ITPR3: variants seen among roughly 807,000 people sequenced by gnomAD.
ITPR3 encodes inositol 1,4,5-trisphosphate-gated calcium channel ITPR3.
A neutral mutation model predicts 293.2 loss-of-function variants in ITPR3; 173 were observed. That is an observed-to-expected ratio of 0.59 (90% CI 0.52 to 0.67). The LOEUF (loss-of-function observed/expected upper bound fraction) is 0.67. Among genes scored for constraint, ITPR3 ranks in the 30% least tolerant of loss-of-function variants. The probability of loss-of-function intolerance (pLI) is 0.00; values close to 1 mark genes in which losing one functional copy is unlikely to be tolerated. For missense variants in ITPR3, 2,796 were observed against 3,592.1 expected (o/e 0.78, Z 5.66); for synonymous variants, 1,295 against 1,444.4 (o/e 0.90, Z 2.35).
chr6:33,653,544 C>G (rs1380531954), intron 2 of ITPR3, among the ~76,000 whole-genome samples: 2 of 152,148 alleles, frequency 1.3e-5, no homozygotes, highest in African/African-American at 4.8e-5. Context: ...AGCTTTCCCT[C>G]AGTTTATATT....
In ITPR3 at chr6:33,691,175, G is replaced by A. The variant is rs955072667; in HGVS notation, c.7225+66G>A. 3.2e-5 allele frequency: 48 copies of A among 1,513,706 alleles called. No homozygotes were observed. Among genetic ancestry groups the A allele is most frequent in the Middle Eastern group, 1.8e-4 (1 of 5,704 alleles). The allele number at this position is 1,513,706 out of a possible 1,614,324, so 93.8% of individuals were successfully genotyped here. A position where few individuals can be genotyped will look rare whatever the true frequency, so the allele number is the denominator to read the frequency against. Reference sequence around the variant, plus strand: ...AGGTTGGGTCTCACAAATGTCTGGCGTCAGGACCAGGACCTGCAGCGCTTA... The same window carrying A: ...AGGTTGGGTCTCACAAATGTCTGGCATCAGGACCAGGACCTGCAGCGCTTA... On this transcript the variant is annotated intron_variant, in intron 52 of 57. Coordinates refer to ENST00000605930, the MANE Select transcript of ITPR3 (RefSeq NM_002224.4). The surrounding 1 kb of genome is among the most constrained non-coding windows in gnomAD (Gnocchi z 4.9).
rs763284930 is a variant in ITPR3 at position 33,662,933 on chromosome 6, G to A, written c.881G>A (p.Arg294His). ...EVEVVHHDPCRGGAGHWNGLY... is the reference protein window; with the variant it reads ...EVEVVHHDPCHGGAGHWNGLY... The stretch of plus-strand genomic sequence containing the variant: ...TAGGTGGTCCACCACGACCCCTGCC[G>A]TGGAGGAGCTGGGCACTGGAATGGC... The change falls in exon 9 of 58, where the codon CGT becomes CAT. Residue 294 changes from arginine to histidine, a missense_variant. Transcript: ENST00000605930. 2.4e-5 allele frequency: 39 copies of A among 1,602,188 alleles called. No individual in the cohort carries two copies. Among genetic ancestry groups the A allele is most frequent in the East Asian group, 2.2e-5 (1 of 44,526 alleles).
In ITPR3 at chr6:33,667,240, C is replaced by A; in HGVS notation, c.1663C>A (p.Leu555Met). 6.2e-7 allele frequency: 1 copy of A among 1,613,768 alleles called. No homozygotes were observed. The highest frequency in any genetic ancestry group is 2.2e-5 in the East Asian group (1 of 44,890). ...KNAPYQHMFR[L>M]CYRVLRHSQE... ...CGCCCCCTACCAGCACATGTTCCGC[C>A]TGTGCTACCGCGTGTTGCGGCATTC... is the stretch of plus-strand genomic sequence containing the variant. The change falls in exon 15 of 58, where the codon CTG (leucine) becomes ATG (methionine). Residue 555 changes from leucine to methionine, a missense_variant. Leu to Met is a conservative substitution (Grantham distance 15). This residue lies in a region of ITPR3 where 955 missense variants were observed against 1,180.8 expected (regional missense o/e 0.81). Coordinates refer to ENST00000605930, the MANE Select transcript of ITPR3 (RefSeq NM_002224.4). The surrounding 1 kb of genome is among the most constrained non-coding windows in gnomAD (Gnocchi z 4.4).
chr6:33,673,521 G>T, intron 22 of ITPR3, 70 bp from the exon 23 acceptor site: 3 of 1,583,174 alleles, frequency 1.9e-6, no homozygotes, highest in Non-Finnish European at 2.6e-6. Flanking sequence ...CCCCCATAAA[G>T]TAGGAAGGGC....
rs771048294 is a variant in ITPR3, at chr6:33,675,652, C to T, written c.3117-39C>T. ...CCCACCACGGACAGCAGGGAGTGTG[C>T]CAGTCTCACCCATGCGCCCTGCACC... On this transcript the variant is annotated intron_variant, in intron 24 of 57. Transcript: ENST00000605930. The surrounding 1 kb of genome is among the most constrained non-coding windows in gnomAD (Gnocchi z 5.0). 6.5e-7 allele frequency: 1 copy of T among 1,545,058 alleles called. No homozygotes were observed. The highest frequency in any genetic ancestry group is 8.8e-7 in the Non-Finnish European group (1 of 1,142,006).
chr6:33,660,704 G>T (rs1168179769), intron 7 of ITPR3, among the ~76,000 whole-genome samples: 1 of 152,140 alleles, frequency 6.6e-6, no homozygotes, highest in Non-Finnish European at 1.5e-5. Context: ...CGAAGCGGGT[G>T]GATCACTTGA....
intron 40 of ITPR3, 34 bp downstream of exon 40, chr6:33,685,567 G>C (rs752505716): frequency 3.4e-5 from 55 of 1,602,586 alleles, no homozygotes; most frequent in Middle Eastern, 1.7e-4. Flanking sequence ...CGGCGTGACG[G>C]GGATCCCAGG....
intron 23 of ITPR3, 90 bp downstream of exon 23, chr6:33,673,810 C>T (rs1764834452): frequency 3.4e-6 from 5 of 1,458,934 alleles, no homozygotes; most frequent in Middle Eastern, 2.3e-4. Flanking sequence ...CAGCCCTGCT[C>T]CTTTTTCTAG....
chr6:33,624,062 G>T lies in ITPR3; in HGVS notation c.89+2371G>T, dbSNP rs1763500625. Among the ~76,000 whole-genome samples the T allele has an allele frequency of 6.6e-6, 1 of 152,222 alleles. No individual in the cohort carries two copies. The highest frequency in any genetic ancestry group is 1.5e-5 in the Non-Finnish European group (1 of 68,034). ...GTTGTTCCCGCCCTTTAGCAAGCAA[G>T]TCTCCACCTGGGTAAATCTGTCCCA... On this transcript the variant is annotated intron_variant, in intron 1 of 57. Transcript: ENST00000605930. This position sits in a 1 kb window ranked among gnomAD's most constrained non-coding sequence, Gnocchi z 4.7.
chr6:33,680,032 T>A lies in ITPR3; in HGVS notation c.4123T>A (p.Cys1375Ser). The change falls in exon 31 of 58, where the codon TGT becomes AGT. Residue 1375 changes from cysteine to serine, a missense_variant. This residue lies in a region of ITPR3 where 344 missense variants were observed against 460.3 expected (regional missense o/e 0.75). Transcript: ENST00000605930. Reference sequence around the variant, plus strand: ...TTCCCTGGTGGACCTGCTGGCCGCCTGTGCCGAGGGCAAAAACGTCTACAC... The same window carrying A: ...TTCCCTGGTGGACCTGCTGGCCGCCAGTGCCGAGGGCAAAAACGTCTACAC... ...HISLVDLLAA[C>S]AEGKNVYTEI... 1 of 1,613,844 alleles carries A rather than the reference T, an allele frequency of 6.2e-7. No individual in the cohort carries two copies.
At position 33,682,449 on chromosome 6, in the gene ITPR3, G is replaced by C; in HGVS notation, c.4477-75G>C. ...CTCCACCCATGCCCATTCTGATTGG[G>C]CCCTGGTTCCTGGACCTGGGGTTGC... is the stretch of plus-strand genomic sequence containing the variant. On this transcript the variant is annotated intron_variant, in intron 33 of 57. Transcript: ENST00000605930. This position sits in a 1 kb window ranked among gnomAD's most constrained non-coding sequence, Gnocchi z 5.4. The C allele has an allele frequency of 6.9e-7, 1 of 1,451,208 alleles. No homozygotes were observed. The highest frequency in any genetic ancestry group is 9.1e-7 in the Non-Finnish European group (1 of 1,100,986). 89.9% of individuals were successfully genotyped at this position (1,451,208 alleles called of 1,614,324 possible). A position where few individuals can be genotyped will look rare whatever the true frequency, so the allele number is the denominator to read the frequency against.
Position 33,664,859 on chromosome 6 carries a change from C to T in ITPR3, c.1149-11C>T. On this transcript the variant is annotated splice_polypyrimidine_tract_variant and intron_variant, in intron 11 of 57. Transcript: ENST00000605930. This position sits in a 1 kb window ranked among gnomAD's most constrained non-coding sequence, Gnocchi z 4.4. ...CACTCCCCGAGTCCTTTCCCTCCCA[C>T]CCACCTGCAGGAACTCGTACGTCCG... 2 of 1,612,688 alleles carry T rather than the reference C, an allele frequency of 1.2e-6. No homozygotes were observed. Among genetic ancestry groups the T allele is most frequent in the Non-Finnish European group, 1.7e-6 (2 of 1,179,536 alleles).
rs1765370631 is a variant in ITPR3, at chr6:33,690,936, G to A, written c.7052G>A (p.Arg2351His). 4 of 1,613,952 alleles carry A rather than the reference G, an allele frequency of 2.5e-6. No homozygotes were observed. The highest frequency in any genetic ancestry group is 2.2e-5 in the South Asian group (2 of 91,082). ...YSILLFDLIYREETLFNVIKS... is the reference protein window; with the variant it reads ...YSILLFDLIYHEETLFNVIKS... ...CTGCAGCTCTTTGACCTCATCTACC[G>A]CGAGGAGACGCTGTTCAACGTCATC... is the stretch of plus-strand genomic sequence containing the variant. The change falls in exon 52 of 58, where the codon CGC (arginine) becomes CAC (histidine). Residue 2351 changes from arginine (R) to histidine (H), a missense_variant. By Grantham distance (29) the Arg-to-His change is conservative. Around this residue, in one of 8 missense-constraint regions of ITPR3, gnomAD observed 568 missense variants for 796.1 expected, o/e 0.71. Coordinates refer to ENST00000605930, the MANE Select transcript of ITPR3 (RefSeq NM_002224.4).
rs541634314 is a variant in ITPR3, at chr6:33,684,714, G to A, written c.5137+26G>A. ...GTCAGTATCACCTTCCCCTGCCCCC[G>A]GGCCCTCCCTTCCACTCTCCTGTCA... On this transcript the variant is annotated intron_variant, in intron 38 of 57. Coordinates refer to ENST00000605930, the MANE Select transcript of ITPR3 (RefSeq NM_002224.4). The surrounding 1 kb of genome is among the most constrained non-coding windows in gnomAD (Gnocchi z 4.2). The A allele has an allele frequency of 9.9e-6, 16 of 1,612,078 alleles. 1 individual carries two copies. The highest frequency in any genetic ancestry group is 3.3e-4 in the Middle Eastern group (2 of 6,050).
chr6:33,681,786 T>C (rs73408268), intron 33 of ITPR3, among the ~76,000 whole-genome samples: 3,376 of 152,180 alleles, frequency 0.022, 123 homozygotes, highest in African/African-American at 0.07. Context: ...TGGGATCGCA[T>C]TGGGACGATG....
intron 56 of ITPR3, among the ~76,000 whole-genome samples, chr6:33,693,985 G>GA (rs1765466922): frequency 6.6e-6 from 1 of 152,206 alleles, no homozygotes; most frequent in Non-Finnish European, 1.5e-5. Context: ...CTGGGTGTCA[G>GA]GAAAAATCCC....
In ITPR3 at chr6:33,661,447, A is replaced by G. The variant is rs74644290; in HGVS notation, c.712-1081A>G. ...CCTCGGCAGGATACTTACCTTCTCT[A>G]TGCCTGAGTTTCTCCACCCATAAAA... On this transcript the variant is annotated intron_variant, in intron 7 of 57. Transcript: ENST00000605930. Among the ~76,000 whole-genome samples the G allele has an allele frequency of 4.4e-3, 666 of 152,312 alleles. 18 individuals carry two copies. Among genetic ancestry groups the G allele is most frequent in the East Asian group, 0.039 (200 of 5,178 alleles).
chr6:33,685,582 G>C, intron 40 of ITPR3, 49 bp downstream of exon 40: 2 of 1,598,518 alleles, frequency 1.3e-6, no homozygotes, highest in South Asian at 1.1e-5. Flanking sequence ...CCCAGGATAA[G>C]ATGTGCAGGG....
intron 2 of ITPR3, among the ~76,000 whole-genome samples, chr6:33,643,489 CT>C (rs1177978044): frequency 6.6e-6 from 1 of 152,254 alleles, no homozygotes; most frequent in African/African-American, 2.4e-5. Flanking sequence ...TGCTGATGCC[CT>C]GCTATGTGTG....
Sources: gnomAD v4.1 joint callset for allele counts (sites outside exome capture counted in the v4.1 genomes callset) on GRCh38, gnomAD v4.1.1 for gene constraint, gnomAD v4.1.1 regional missense constraint, Gnocchi (gnomAD v3.1) non-coding constraint, MANE v1.5 for transcripts, NCBI Gene and HGNC (gene_info 2026-07-23, HGNC 2026-07-21) for gene names.